The following RASAL1 variants were observed in gnomAD, a reference collection of about 807,000 sequenced individuals.
RASAL1 encodes RAS protein activator like 1.
RASAL1 carries 72 observed loss-of-function variants against 96.6 expected under a neutral mutation model. That is an observed-to-expected ratio of 0.75 (90% CI 0.62 to 0.91). The LOEUF is 0.91. Ranked by LOEUF, RASAL1 falls within the 40% of genes least tolerant of loss-of-function variation. The probability of loss-of-function intolerance (pLI) is 0.00; values close to 1 mark genes in which losing one functional copy is unlikely to be tolerated. For missense variants in RASAL1, 1,016 were observed against 1,072.5 expected, an observed-to-expected ratio of 0.95 and a Z score of 0.74; for synonymous variants, 405 against 430.4, an observed-to-expected ratio of 0.94 and a Z score of 0.73.
upstream of RASAL1, among the ~76,000 whole-genome samples, chr12:113,136,646 C>T (rs770018152): frequency 4.6e-5 from 7 of 152,214 alleles, no homozygotes; most frequent in Non-Finnish European, 8.8e-5. Context: ...GTTTTCTCAT[C>T]TGTTGAGTGA....
At position 113,101,953 on chromosome 12, in the gene RASAL1, G is replaced by A. The variant is rs1441571704; in HGVS notation, c.2161C>T (p.Leu721=). 1.2e-6 allele frequency: 2 copies of A among 1,614,176 alleles called. No homozygotes were observed. The highest frequency in any genetic ancestry group is 1.7e-5 in the Admixed American group (1 of 60,026). The change falls in exon 19 of 21, where the codon CTG becomes TTG. Residue 721 remains leucine (L), a synonymous_variant. Coordinates refer to ENST00000548055, the MANE Select transcript of RASAL1 (RefSeq NM_001301202.2). ...AVTLGDWSDP[L]DPDAEAQTVY... ...GTCTGGGCCTCAGCATCAGGATCCA[G>A]TGGGTCACTCCAGTCCCCCAGGGTG...
rs78358273 is a variant in RASAL1 at position 113,099,959 on chromosome 12, C to T, written c.2388G>A (p.Gly796=). The T allele has an allele frequency of 7.6e-4, 1,224 of 1,613,170 alleles. 4 individuals are homozygous for T. The African/African-American group carries it at 0.015, about 20-fold the overall frequency. The change falls in exon 21 of 21, where the codon GGG becomes GGA. Residue 796 remains glycine, a synonymous_variant. Transcript: ENST00000548055. The part of the protein sequence containing the change: ...AHEEFQQQER[G]KAALGPLGP ...GGCCAAGGGGGCCCAGGGCCGCCTTCCCTCGCTCCTGCTGCTGGAACTCCT... is the reference window on the plus strand; with the variant it reads ...GGCCAAGGGGGCCCAGGGCCGCCTTTCCTCGCTCCTGCTGCTGGAACTCCT...
In RASAL1 at chr12:113,135,639, C is replaced by A; in HGVS notation, c.-177G>T. Reference sequence around the variant, plus strand: ...TCCGAAAGAGGAGAAGGTGTAGGTGCCCGGGGAGGGAGCGCCCGTCCGGAC... The same window carrying A: ...TCCGAAAGAGGAGAAGGTGTAGGTGACCGGGGAGGGAGCGCCCGTCCGGAC... On this transcript the variant is annotated 5_prime_UTR_variant, in exon 1 of 21. Coordinates refer to ENST00000548055, the MANE Select transcript of RASAL1 (RefSeq NM_001301202.2). This position sits in a 1 kb window ranked among gnomAD's most constrained non-coding sequence, Gnocchi z 5.7. 1.6e-6 allele frequency: 1 copy of A among 609,278 alleles called. No homozygotes were observed. The highest frequency in any genetic ancestry group is 2.8e-5 in the East Asian group (1 of 35,242). The allele number at this position is 609,278 out of a possible 1,614,324, so 37.7% of individuals were successfully genotyped here. A position where few individuals can be genotyped will look rare whatever the true frequency, so the allele number is the denominator to read the frequency against.
intron 4 of RASAL1, among the ~76,000 whole-genome samples, chr12:113,127,538 T>C (rs992986749): frequency 3.3e-5 from 5 of 152,090 alleles, no homozygotes; most frequent in African/African-American, 7.2e-5. Flanking sequence ...TAATCCCAGC[T>C]ACTCCAGAAG....
At chr12:113,106,084 G>A (rs966960363) in intron 15 of RASAL1, among the ~76,000 whole-genome samples, 198 bp from the exon 16 acceptor site, 3 of 152,156 alleles carry the variant, frequency 2.0e-5, no homozygotes, top group Admixed American at 6.5e-5. Flanking sequence ...GGAGGGGGAG[G>A]GCAGAGTAGC....
At position 113,125,268 on chromosome 12, in the gene RASAL1, T is replaced by C. The variant is rs183036731; in HGVS notation, c.298+2544A>G. On this transcript the variant is annotated intron_variant, in intron 4 of 20. Transcript: ENST00000548055. ...CAAAAGAAAAATATGAGATTAAATATAGAAAAAGAAATTTTATACATGAAA... is the reference window on the plus strand; with the variant it reads ...CAAAAGAAAAATATGAGATTAAATACAGAAAAAGAAATTTTATACATGAAA... 2.0e-5 allele frequency among the ~76,000 whole-genome samples: 3 copies of C among 152,130 alleles called. No homozygotes were observed. In the East Asian group the frequency reaches 5.8e-4, roughly 29 times the overall value.
chr12:113,105,639 C>A, intron 16 of RASAL1, 75 bp downstream of exon 16: 3 of 1,457,852 alleles, frequency 2.1e-6, no homozygotes, highest in Non-Finnish European at 2.8e-6. Context: ...CCTCAGTTTC[C>A]CCCTGGGTAC....
At chr12:113,119,735 G>A (rs1269870598) in intron 5 of RASAL1, among the ~76,000 whole-genome samples, 1 of 152,118 alleles carries the variant, frequency 6.6e-6, no homozygotes, top group Admixed American at 6.6e-5. Flanking sequence ...AGCAGGGAGG[G>A]GGAAAAGAGA....
At chr12:113,121,291 G>A (rs1188977388) in intron 5 of RASAL1, among the ~76,000 whole-genome samples, 1 of 152,188 alleles carries the variant, frequency 6.6e-6, no homozygotes, top group Admixed American at 6.5e-5. Context: ...CTGAGTGTCT[G>A]GTCTGTTGCT....
chr12:113,111,991 G>C, intron 13 of RASAL1, 95 bp downstream of exon 13: 2 of 1,099,880 alleles, frequency 1.8e-6, no homozygotes, highest in Non-Finnish European at 2.3e-6. Context: ...AGTGCCGGCA[G>C]CCTAGGTTCT....
chr12:113,106,020 C>T (rs1186604704), intron 15 of RASAL1, 134 bp from the exon 16 acceptor site: 6 of 951,834 alleles, frequency 6.3e-6, no homozygotes, highest in African/African-American at 1.7e-5. Flanking sequence ...GGAGGATGAG[C>T]GCGATGACTT....
chr12:113,115,968 T>A lies in RASAL1; in HGVS notation c.815A>T (p.Glu272Val). 2 of 1,609,140 alleles carry A rather than the reference T, an allele frequency of 1.2e-6. No individual in the cohort carries two copies. The highest frequency in any genetic ancestry group is 1.1e-5 in the South Asian group (1 of 90,398). ...CCCCTGCACAGACTCCATGAGCAGC[T>A]CCATGAGAGGCTGGTAGCACTGGGA... ...LPSQCYQPLMELLMESVQGPA... is the reference protein window; with the variant it reads ...LPSQCYQPLMVLLMESVQGPA... Residue 272 changes from glutamate to valine, a missense_variant, in exon 9 of 21, where the codon GAG becomes GTG. Coordinates refer to ENST00000548055, the MANE Select transcript of RASAL1 (RefSeq NM_001301202.2). This position sits in a 1 kb window ranked among gnomAD's most constrained non-coding sequence, Gnocchi z 4.1.
At chr12:113,114,970 T>G in intron 11 of RASAL1, 58 bp from the exon 12 acceptor site, 1 of 1,377,108 alleles carries the variant, frequency 7.3e-7, no homozygotes, top group Admixed American at 1.7e-5. Flanking sequence ...GGCATGCCCA[T>G]GAGCTGGGCG....
rs1592922506 is a variant in RASAL1 at position 113,115,253 on chromosome 12, T to A, written c.1015A>T (p.Thr339Ser). 7.4e-6 allele frequency: 12 copies of A among 1,613,570 alleles called. No homozygotes were observed. The highest frequency in any genetic ancestry group is 1.0e-5 in the Non-Finnish European group (12 of 1,179,610). Residue 339 changes from threonine (T) to serine (S), a missense_variant, in exon 11 of 21, where the codon ACC becomes TCC. Coordinates refer to ENST00000548055, the MANE Select transcript of RASAL1 (RefSeq NM_001301202.2). This position sits in a 1 kb window ranked among gnomAD's most constrained non-coding sequence, Gnocchi z 4.1. Reference sequence around the variant, plus strand: ...GCCAGGGAGTTAGAACGGAAGAGGGTGTTGGGGTCCACTGGGAGGACAGGA... The same window carrying A: ...GCCAGGGAGTTAGAACGGAAGAGGGAGTTGGGGTCCACTGGGAGGACAGGA... ...REVARTMDPNTLFRSNSLASK... is the reference protein window; with the variant it reads ...REVARTMDPNSLFRSNSLASK...
rs188598198 is a variant in RASAL1, at chr12:113,115,546, T to A, written c.1003+89A>T. The A allele has an allele frequency of 4.9e-4, 738 of 1,500,882 alleles. 3 individuals are homozygous for A. The highest frequency in any genetic ancestry group is 6.4e-4 in the Non-Finnish European group (713 of 1,116,600). 93.0% of individuals were successfully genotyped at this position (1,500,882 alleles called of 1,614,324 possible). A position where few individuals can be genotyped will look rare whatever the true frequency, so the allele number is the denominator to read the frequency against. ...CAGAAAAAGGAGCCCTTTTTCCCTCTGCCTGAGGCCTCCCCATTCCTCCCC... is the reference window on the plus strand; with the variant it reads ...CAGAAAAAGGAGCCCTTTTTCCCTCAGCCTGAGGCCTCCCCATTCCTCCCC... On this transcript the variant is annotated intron_variant, in intron 10 of 20. Transcript: ENST00000548055. The surrounding 1 kb of genome is among the most constrained non-coding windows in gnomAD (Gnocchi z 4.1).
Position 113,135,470 on chromosome 12 carries a change from A to C in RASAL1, c.-8T>G, listed in dbSNP as rs1411742498. ...GGAGCTGCTCTTGGCCATGGCGCCT[A>C]GCCACAAACTTTCCAGGCAGAAGGG... is the stretch of plus-strand genomic sequence containing the variant. On this transcript the variant is annotated 5_prime_UTR_variant, in exon 1 of 21. Coordinates refer to ENST00000548055, the MANE Select transcript of RASAL1 (RefSeq NM_001301202.2). The surrounding 1 kb of genome is among the most constrained non-coding windows in gnomAD (Gnocchi z 5.7). 6.2e-7 allele frequency: 1 copy of C among 1,603,284 alleles called. No homozygotes were observed. Among genetic ancestry groups the C allele is most frequent in the East Asian group, 2.3e-5 (1 of 44,170 alleles).
At chr12:113,128,490 A>AACACAC (rs149978369) in intron 2 of RASAL1, among the ~76,000 whole-genome samples, 17 of 138,622 alleles carry the variant, frequency 1.2e-4, no homozygotes, top group African/African-American at 3.2e-4. Context: ...CAGAGATCTC[A>AACACAC]ACACACACAC....
At chr12:113,100,793 CCATCAT>C in intron 19 of RASAL1, 113 bp from the exon 20 acceptor site, 3 of 791,164 alleles carry the variant, frequency 3.8e-6, no homozygotes, top group Non-Finnish European at 6.4e-6. Context: ...TCACCATCTA[CCATCAT>C]CATCATCATC....
In RASAL1 at chr12:113,119,158, G is replaced by A; in HGVS notation, c.612C>T (p.Asp204=). ...CCAAGAAGTCATTCTTGCCCACCAT[G>A]TCCCAGTCCCAGAGCTCCACCCGCA... ...SPLRVELWDW[D]MVGKNDFLGM... Residue 204 remains aspartate, a synonymous_variant, in exon 7 of 21, where the codon GAC becomes GAT. Transcript: ENST00000548055. 3 of 1,613,308 alleles carry A rather than the reference G, an allele frequency of 1.9e-6. No individual in the cohort carries two copies. The highest frequency in any genetic ancestry group is 1.1e-5 in the South Asian group (1 of 90,942).
Sources: gnomAD v4.1 joint callset for allele counts (sites outside exome capture counted in the v4.1 genomes callset) on GRCh38, gnomAD v4.1.1 for gene constraint, Gnocchi (gnomAD v3.1) non-coding constraint, MANE v1.5 for transcripts, NCBI Gene and HGNC (gene_info 2026-07-23, HGNC 2026-07-21) for gene names.